CNGB1: variants seen among roughly 807,000 people sequenced by gnomAD.
CNGB1 encodes cyclic nucleotide gated channel subunit beta 1.
In CNGB1, 126 loss-of-function variants were observed where a neutral mutation model predicts 151.7. The ratio of observed to expected loss-of-function variants is 0.83; its 90% CI spans 0.72 to 0.96. The LOEUF (loss-of-function observed/expected upper bound fraction) is 0.96. CNGB1 is among the 40% of genes least tolerant of loss of function. The probability of loss-of-function intolerance (pLI) is 0.00; values close to 1 mark genes in which losing one functional copy is unlikely to be tolerated. For synonymous variants in CNGB1, 623 were observed against 635.1 expected (o/e 0.98, Z 0.29); for missense variants, 1,698 against 1,627.0 (o/e 1.04, Z -0.75).
At chr16:57,900,933 A>C (rs1960366882) in intron 29 of CNGB1, among the ~76,000 whole-genome samples, 1 of 151,928 alleles carries the variant, frequency 6.6e-6, no homozygotes, top group Non-Finnish European at 1.5e-5. Flanking sequence ...CTCTGACCTA[A>C]GCCCATCCCT....
At chr16:57,888,750 CCT>C (rs1235699948) in intron 31 of CNGB1, among the ~76,000 whole-genome samples, 1 of 144,020 alleles carries the variant, frequency 6.9e-6, no homozygotes, top group African/African-American at 2.8e-5. Flanking sequence ...CCGCGCCTGG[CCT>C]CTTTCTTTTT....
Position 57,920,564 on chromosome 16 carries a change from AG to A in CNGB1, c.1644-21del. 1 of 1,610,174 alleles carries A rather than the reference AG, an allele frequency of 6.2e-7. No individual in the cohort carries two copies. The highest frequency in any genetic ancestry group is 1.3e-5 in the African/African-American group (1 of 75,034). On this transcript the variant is annotated intron_variant, in intron 18 of 32. Coordinates refer to ENST00000251102, the MANE Select transcript of CNGB1 (RefSeq NM_001297.5). The stretch of plus-strand genomic sequence containing the variant: ...TGGCCACTGTGGGAACATCACCCAA[AG>A]CTGAGCAGGCTGAGCCGGGAGGGAC...
At chr16:57,946,023 G>T (rs1310638838) in intron 14 of CNGB1, among the ~76,000 whole-genome samples, 3 of 152,136 alleles carry the variant, frequency 2.0e-5, no homozygotes, top group East Asian at 3.9e-4. Flanking sequence ...AAGCCGTATG[G>T]CCCCTGCTTG....
chr16:57,927,909 C>T (rs1013468846), intron 17 of CNGB1, among the ~76,000 whole-genome samples: 1 of 152,196 alleles, frequency 6.6e-6, no homozygotes, highest in Non-Finnish European at 1.5e-5. Context: ...AGCTGTACTC[C>T]AAGGCTCAGT....
In CNGB1 at chr16:57,931,821, C is replaced by T; in HGVS notation, c.1430G>A (p.Cys477Tyr). ...VQVEDTDADS[C>Y]PLMAEENPPS... is the part of the protein sequence containing the mutation. ...TGGATTCTCTTCTGCCATGAGGGGG[C>T]AGCTATCAGCATCAGTATCTTCCAC... The change falls in exon 17 of 33, where the codon TGC becomes TAC. Residue 477 changes from cysteine to tyrosine, a missense_variant. Transcript: ENST00000251102. 6.2e-7 allele frequency: 1 copy of T among 1,614,144 alleles called. No homozygotes were observed.
chr16:57,911,845 G>A lies in CNGB1; in HGVS notation c.2400C>T (p.Tyr800=). ...RVIRTTAYLL[Y]SLHLNSCLYY... ...AAAGACAGGAATTCAAATGCAGGCT[G>A]TAGAGAAGGTAGGCTGTGGTCCTGA... The change falls in exon 25 of 33, where the codon TAC becomes TAT. Residue 800 remains tyrosine, a synonymous_variant. Coordinates refer to ENST00000251102, the MANE Select transcript of CNGB1 (RefSeq NM_001297.5). 1 of 1,613,988 alleles carries A rather than the reference G, an allele frequency of 6.2e-7. No individual in the cohort carries two copies.
chr16:57,948,270 G>C lies in CNGB1; in HGVS notation c.1121+1083C>G, dbSNP rs570648762. 2.0e-5 allele frequency among the ~76,000 whole-genome samples: 3 copies of C among 151,558 alleles called. No individual in the cohort carries two copies. In the East Asian group the frequency reaches 5.8e-4, roughly 29 times the overall value. On this transcript the variant is annotated intron_variant, in intron 14 of 32. Coordinates refer to ENST00000251102, the MANE Select transcript of CNGB1 (RefSeq NM_001297.5). ...TCGCCTTTGGGAAAACAAGTTCAAG[G>C]CTTTACAACCTGCTTTTGAGGCAGT...
At chr16:57,920,197 T>G (rs1452002167) in intron 19 of CNGB1, among the ~76,000 whole-genome samples, 190 bp downstream of exon 19, 3 of 152,212 alleles carry the variant, frequency 2.0e-5, no homozygotes, top group Non-Finnish European at 2.9e-5. Flanking sequence ...GTCAGAACTT[T>G]GATCTTCCCA....
intron 12 of CNGB1, chr16:57,955,123 C>T: frequency 1.4e-6 from 2 of 1,431,922 alleles, no homozygotes; most frequent in East Asian, 2.6e-5. Context: ...CCATGGCTGG[C>T]CTTCCCCTTG....
At position 57,883,543 on chromosome 16, in the gene CNGB1, A is replaced by T; in HGVS notation, c.*621T>A. The T allele has an allele frequency of 6.1e-6, 1 of 163,294 alleles. No individual in the cohort carries two copies. The highest frequency in any genetic ancestry group is 1.3e-5 in the Non-Finnish European group (1 of 75,908). 10.1% of individuals were successfully genotyped at this position (163,294 alleles called of 1,614,324 possible). On this transcript the variant is annotated 3_prime_UTR_variant, in exon 33 of 33. Coordinates refer to ENST00000251102, the MANE Select transcript of CNGB1 (RefSeq NM_001297.5). ...TGCCTCAACCTCTCCAGTAGCTGGGACTACAGGTGCACACCATCACGCCTG... is the reference window on the plus strand; with the variant it reads ...TGCCTCAACCTCTCCAGTAGCTGGGTCTACAGGTGCACACCATCACGCCTG...
chr16:57,915,147 A>G lies in CNGB1; in HGVS notation c.2304+102T>C. On this transcript the variant is annotated intron_variant, in intron 23 of 32. Transcript: ENST00000251102. ...CTCCCCTCGGGCCATCCCTTGAGGA[A>G]CTCCCCTCCCCAGTGCTGCTGGGGG... The G allele has an allele frequency of 3.3e-6, 3 of 897,276 alleles. No individual in the cohort carries two copies. The South Asian group carries it at 4.8e-5, about 14-fold the overall frequency. 55.6% of individuals were successfully genotyped at this position (897,276 alleles called of 1,614,324 possible).
chr16:57,962,629 C>T lies in CNGB1; in HGVS notation c.413-19G>A, dbSNP rs1962287164. On this transcript the variant is annotated intron_variant, in intron 6 of 32. Transcript: ENST00000251102. ...GTGCACCCTGCAGGGTCAGAAAATA[C>T]AGAAAGGCAGTCAGCAGCGGGAGAC... 6.2e-7 allele frequency: 1 copy of T among 1,613,568 alleles called. No individual in the cohort carries two copies. Among genetic ancestry groups the T allele is most frequent in the African/African-American group, 1.3e-5 (1 of 75,030 alleles).
chr16:57,901,936 C>T (rs1440327316), intron 27 of CNGB1, among the ~76,000 whole-genome samples: 1 of 152,182 alleles, frequency 6.6e-6, no homozygotes, highest in Non-Finnish European at 1.5e-5. Context: ...GTTAGTAGCC[C>T]CTGCGCTGTT....
In CNGB1 at chr16:57,883,272, T is replaced by C. The variant is rs1959808826; in HGVS notation, c.*892A>G. 1.7e-5 allele frequency: 1 copy of C among 59,142 alleles called. No individual in the cohort carries two copies. Among genetic ancestry groups the C allele is most frequent in the Non-Finnish European group, 5.8e-5 (1 of 17,124 alleles). The allele number at this position is 59,142 out of a possible 1,614,324, so 3.7% of individuals were successfully genotyped here. ...GGCTGCCCTCCTTTCTTTGTTTTTT[T>C]GTTTGTGTACGTTGTTGTTGTTTGC... is the stretch of plus-strand genomic sequence containing the variant. On this transcript the variant is annotated 3_prime_UTR_variant, in exon 33 of 33. Coordinates refer to ENST00000251102, the MANE Select transcript of CNGB1 (RefSeq NM_001297.5).
At chr16:57,887,640 C>A (rs1029735684) in intron 32 of CNGB1, among the ~76,000 whole-genome samples, 1 of 152,232 alleles carries the variant, frequency 6.6e-6, no homozygotes, top group East Asian at 1.9e-4. Context: ...TCCAGGCTTG[C>A]CTGAACTTTT....
intron 14 of CNGB1, among the ~76,000 whole-genome samples, chr16:57,945,557 A>G (rs1961785706): frequency 6.6e-6 from 1 of 152,242 alleles, no homozygotes; most frequent in Admixed American, 6.5e-5. Context: ...GAGTAAGATC[A>G]GAAGGGCCAA....
intron 14 of CNGB1, among the ~76,000 whole-genome samples, chr16:57,942,877 A>C (rs1364112977): frequency 6.7e-6 from 1 of 149,850 alleles, no homozygotes; most frequent in Admixed American, 6.6e-5. Context: ...AAAAAAAAAA[A>C]CCCTACCCAC....
rs530315713 is a variant in CNGB1, at chr16:57,902,461, G to A, written c.2795-836C>T. 3.3e-5 allele frequency among the ~76,000 whole-genome samples: 5 copies of A among 152,032 alleles called. No homozygotes were observed. The South Asian group carries it at 1.0e-3, about 32-fold the overall frequency. On this transcript the variant is annotated intron_variant, in intron 27 of 32. Transcript: ENST00000251102. ...AAATTTTTAAAATACTTTGAACCCTGAAAAGCTAAAAAAAATTTTTTTCTT... is the reference window on the plus strand; with the variant it reads ...AAATTTTTAAAATACTTTGAACCCTAAAAAGCTAAAAAAAATTTTTTTCTT...
At chr16:57,897,574 T>C in intron 30 of CNGB1, 31 bp from the exon 31 acceptor site, 1 of 1,613,326 alleles carries the variant, frequency 6.2e-7, no homozygotes, top group South Asian at 1.1e-5. Context: ...AGGAGGCCCT[T>C]CAGAGACTGC....
Sources: gnomAD v4.1 joint callset for allele counts (sites outside exome capture counted in the v4.1 genomes callset) on GRCh38, gnomAD v4.1.1 for gene constraint, MANE v1.5 for transcripts, NCBI Gene and HGNC (gene_info 2026-07-23, HGNC 2026-07-21) for gene names.